SYCP2: variants seen among roughly 807,000 people sequenced by gnomAD.
SYCP2 encodes synaptonemal complex protein 2, also known as synaptonemal complex lateral element protein.
In SYCP2, 55 loss-of-function variants were observed where a neutral mutation model predicts 211.3. The ratio of observed to expected loss-of-function variants is 0.26; its 90% CI spans 0.21 to 0.33. The LOEUF (loss-of-function observed/expected upper bound fraction) is 0.33, where lower values mean the gene tolerates loss of function less well. SYCP2 is among the 10% of genes least tolerant of loss of function. The pLI is 1.00. For missense variants in SYCP2, 1,731 were observed against 1,752.0 expected (o/e 0.99, Z 0.21); for synonymous variants, 570 against 555.2 (o/e 1.03, Z -0.37).
intron 14 of SYCP2, among the ~76,000 whole-genome samples, chr20:59,907,665 A>G (rs2060237815): frequency 6.6e-6 from 1 of 152,192 alleles, no homozygotes; most frequent in South Asian, 2.1e-4. Context: ...TTAACCAAAA[A>G]AAAGAATGAC....
Position 59,900,296 on chromosome 20 carries a change from T to C in SYCP2, c.1258-12A>G. 6.4e-7 allele frequency: 1 copy of C among 1,569,002 alleles called. No homozygotes were observed. The highest frequency in any genetic ancestry group is 1.2e-5 in the South Asian group (1 of 83,994). ...TCTGGCACTAGAATCTGTTGGAGAA[T>C]ATGAAAAAAAAAGTATTTAAAACTG... On this transcript the variant is annotated splice_polypyrimidine_tract_variant and intron_variant, in intron 17 of 44. Transcript: ENST00000357552.
intron 19 of SYCP2, 27 bp downstream of exon 19, chr20:59,896,402 G>T: frequency 8.0e-7 from 1 of 1,257,420 alleles, no homozygotes; most frequent in Non-Finnish European, 1.1e-6. Flanking sequence ...ATAATTGTTA[G>T]AAATCTTTTA....
chr20:59,918,025 G>C (rs1399002246), intron 7 of SYCP2, among the ~76,000 whole-genome samples: 1 of 152,098 alleles, frequency 6.6e-6, no homozygotes, highest in Non-Finnish European at 1.5e-5. Flanking sequence ...GTTTACCCAT[G>C]GTCAGTTCTT....
intron 17 of SYCP2, 54 bp from the exon 18 acceptor site, chr20:59,900,338 A>G (rs1393296552): frequency 1.4e-6 from 2 of 1,443,890 alleles, no homozygotes; most frequent in African/African-American, 1.4e-5. Flanking sequence ...ACAGAAAGTA[A>G]TCAACAATCA....
intron 24 of SYCP2, among the ~76,000 whole-genome samples, chr20:59,887,305 T>C (rs978112286): frequency 1.3e-5 from 2 of 152,196 alleles, no homozygotes; most frequent in Non-Finnish European, 2.9e-5. Flanking sequence ...GCTTCATCCA[T>C]GTCCCTACAA....
At chr20:59,904,790 G>C (rs1319901408) in intron 15 of SYCP2, among the ~76,000 whole-genome samples, 1 of 152,130 alleles carries the variant, frequency 6.6e-6, no homozygotes, top group African/African-American at 2.4e-5. Flanking sequence ...AGGAAGCATG[G>C]TGCCAGTATT....
chr20:59,884,914 A>G (rs1208570474), intron 26 of SYCP2, among the ~76,000 whole-genome samples: 2 of 151,904 alleles, frequency 1.3e-5, no homozygotes, highest in African/African-American at 4.8e-5. Flanking sequence ...GTACCAAAAC[A>G]CTCTATTGTA....
chr20:59,867,609 G>T, intron 39 of SYCP2, 102 bp downstream of exon 39: 2 of 976,526 alleles, frequency 2.0e-6, no homozygotes, highest in Non-Finnish European at 3.0e-6. Flanking sequence ...TTCATGAATG[G>T]ATATTTTGTT....
Position 59,868,817 on chromosome 20 carries a change from A to C in SYCP2, c.3832+18T>G. ...TTTCAGTAATCATTTTTTAAAAAGC[A>C]AGACTATGACTACAAACCTGATACA... On this transcript the variant is annotated intron_variant, in intron 37 of 44. Coordinates refer to ENST00000357552, the MANE Select transcript of SYCP2 (RefSeq NM_014258.4). 1 of 1,579,628 alleles carries C rather than the reference A, an allele frequency of 6.3e-7. No individual in the cohort carries two copies. The highest frequency in any genetic ancestry group is 8.6e-7 in the Non-Finnish European group (1 of 1,165,004).
intron 44 of SYCP2, 140 bp downstream of exon 44, chr20:59,865,248 A>G (rs1030102743): frequency 4.7e-6 from 3 of 634,780 alleles, no homozygotes; most frequent in Non-Finnish European, 8.0e-6. Context: ...CCATTATTTA[A>G]AGAACTAAAA....
intron 24 of SYCP2, among the ~76,000 whole-genome samples, chr20:59,887,698 A>G (rs2059820590): frequency 6.6e-6 from 1 of 152,050 alleles, no homozygotes; most frequent in Non-Finnish European, 1.5e-5. Context: ...GACATTTTAA[A>G]AAATGTTTCT....
At chr20:59,912,170 A>G (rs934129661) in intron 13 of SYCP2, 10 of 430,652 alleles carry the variant, frequency 2.3e-5, no homozygotes, top group Admixed American at 9.1e-5. Context: ...TACAGCCTTT[A>G]TTTTTCAGTT....
At chr20:59,905,023 G>A (rs929349995) in intron 15 of SYCP2, among the ~76,000 whole-genome samples, 1 of 152,136 alleles carries the variant, frequency 6.6e-6, no homozygotes, top group Non-Finnish European at 1.5e-5. Context: ...AAGCAAATAT[G>A]TCTGCTCTTT....
chr20:59,886,994 TAAAATA>T (rs1042647334), intron 24 of SYCP2, among the ~76,000 whole-genome samples, 160 bp from the exon 25 acceptor site: 1 of 151,742 alleles, frequency 6.6e-6, no homozygotes, highest in African/African-American at 2.4e-5. Context: ...TGTTAGGCAT[TAAAATA>T]AGATAATTTT....
chr20:59,900,079 T>C (rs745384197), intron 18 of SYCP2, 59 bp downstream of exon 18: 4 of 1,533,568 alleles, frequency 2.6e-6, no homozygotes, highest in Non-Finnish European at 3.6e-6. Flanking sequence ...AGTACTCATA[T>C]ATAACAGTGA....
At chr20:59,913,595 AAGG>A (rs1389974078) in intron 12 of SYCP2, among the ~76,000 whole-genome samples, 1 of 152,172 alleles carries the variant, frequency 6.6e-6, no homozygotes, top group African/African-American at 2.4e-5. Flanking sequence ...TATGTGGATG[AAGG>A]AGATGATTCA....
intron 26 of SYCP2, among the ~76,000 whole-genome samples, chr20:59,882,708 A>G (rs928463152): frequency 5.3e-5 from 8 of 152,188 alleles, no homozygotes; most frequent in Non-Finnish European, 1.2e-4. Context: ...GTTTTCACTC[A>G]TAAGTGGGAG....
chr20:59,871,678 G>T (rs1214473053), intron 35 of SYCP2, among the ~76,000 whole-genome samples: 1 of 151,902 alleles, frequency 6.6e-6, no homozygotes. Context: ...GCTCAAATCT[G>T]TGATATAAAA....
chr20:59,882,913 C>G (rs529350624), intron 26 of SYCP2, among the ~76,000 whole-genome samples: 1 of 152,148 alleles, frequency 6.6e-6, no homozygotes, highest in African/African-American at 2.4e-5. Context: ...GTACATTACT[C>G]TGTGTGGCAA....
Sources: allele counts gnomAD v4.1 joint callset (sites outside exome capture counted in the v4.1 genomes callset), GRCh38; gene constraint gnomAD v4.1.1; transcripts MANE v1.5; gene names NCBI Gene and HGNC (gene_info 2026-07-23, HGNC 2026-07-21).